The following APLP2 variants were observed in gnomAD, a reference collection of about 807,000 sequenced individuals.
The protein encoded by APLP2 is amyloid beta precursor like protein 2.
In APLP2, 53 loss-of-function variants were observed where a neutral mutation model predicts 89.9. The ratio of observed to expected loss-of-function variants is 0.59; its 90% CI spans 0.47 to 0.74. APLP2 has a LOEUF of 0.74. Ranked by LOEUF, APLP2 falls within the 30% of genes least tolerant of loss-of-function variation. APLP2 has a pLI of 0.00. For synonymous variants in APLP2, 372 were observed against 348.6 expected (o/e 1.07, Z -0.75); for missense variants, 973 against 975.9 (o/e 1.00, Z 0.04).
At chr11:130,116,701 A>C (rs1052411793) in intron 3 of APLP2, among the ~76,000 whole-genome samples, 1 of 151,956 alleles carries the variant, frequency 6.6e-6, no homozygotes, top group Admixed American at 6.6e-5. Context: ...TGAACTCCTA[A>C]CCTCAAGTGA....
chr11:130,114,810 A>T (rs888707086), intron 3 of APLP2, among the ~76,000 whole-genome samples: 4 of 152,244 alleles, frequency 2.6e-5, no homozygotes, highest in African/African-American at 4.8e-5. Context: ...AAAACTACTA[A>T]AGTTCTGATT....
chr11:130,080,308 G>T (rs1280424141), intron 1 of APLP2, among the ~76,000 whole-genome samples: 1 of 151,914 alleles, frequency 6.6e-6, no homozygotes, highest in Non-Finnish European at 1.5e-5. Context: ...CTGGGTTCAG[G>T]TGCCTCCTGC....
chr11:130,144,573 C>A lies in APLP2; in HGVS notation c.*1125C>A, dbSNP rs1271393986. The A allele has an allele frequency of 6.6e-6, 1 of 152,622 alleles. No homozygotes were observed. The highest frequency in any genetic ancestry group is 1.5e-5 in the Non-Finnish European group (1 of 68,060). The allele number at this position is 152,622 out of a possible 1,614,324, so 9.5% of individuals were successfully genotyped here. On this transcript the variant is annotated 3_prime_UTR_variant, in exon 17 of 17. Transcript: ENST00000338167. Reference sequence around the variant, plus strand: ...CTTGTACAGTTGATGTCGATGCTCACTGCTTCTGCTTTTTCTTTCTTTTTA... The same window carrying A: ...CTTGTACAGTTGATGTCGATGCTCAATGCTTCTGCTTTTTCTTTCTTTTTA...
intron 10 of APLP2, among the ~76,000 whole-genome samples, chr11:130,129,653 A>T (rs1450408038): frequency 6.6e-6 from 1 of 152,106 alleles, no homozygotes; most frequent in Non-Finnish European, 1.5e-5. Context: ...GCTTTGGGGG[A>T]TGGAAAGTAT....
At chr11:130,102,857 G>T (rs1947127954) in intron 1 of APLP2, among the ~76,000 whole-genome samples, 1 of 152,226 alleles carries the variant, frequency 6.6e-6, no homozygotes, top group Non-Finnish European at 1.5e-5. Context: ...TTAATAAAAT[G>T]GAATTTCTTA....
At chr11:130,078,206 G>A (rs967735010) in intron 1 of APLP2, among the ~76,000 whole-genome samples, 11 of 146,610 alleles carry the variant, frequency 7.5e-5, no homozygotes, top group Middle Eastern at 3.5e-3. Context: ...GAATCATTCC[G>A]TATATATTTT....
At chr11:130,073,421 A>G (rs958341931) in intron 1 of APLP2, among the ~76,000 whole-genome samples, 19 of 152,212 alleles carry the variant, frequency 1.2e-4, no homozygotes, top group African/African-American at 4.6e-4. Context: ...ATTTTTTAAT[A>G]TGTTCCTATA....
At position 130,135,623 on chromosome 11, in the gene APLP2, C is replaced by A. The variant is rs888190691; in HGVS notation, c.1745C>A (p.Thr582Asn). Residue 582 changes from threonine (T) to asparagine (N), a missense_variant, in exon 13 of 17, where the codon ACC becomes AAC. Physicochemically the swap from Thr to Asn is moderately conservative, Grantham distance 65 (BLOSUM62 0). Transcript: ENST00000338167. ...MDQFTASISE[T>N]PVDVRVSSEE... ...CAGTTCACTGCCTCAATCTCAGAGA[C>A]CCCTGTGGACGTCCGGGTGAGCTCT... 26 of 1,614,042 alleles carry A rather than the reference C, an allele frequency of 1.6e-5. No homozygotes were observed. The highest frequency in any genetic ancestry group is 2.1e-5 in the Non-Finnish European group (25 of 1,180,020).
At chr11:130,105,960 C>T (rs1947684665) in intron 1 of APLP2, among the ~76,000 whole-genome samples, 1 of 152,008 alleles carries the variant, frequency 6.6e-6, no homozygotes, top group African/African-American at 2.4e-5. Flanking sequence ...GCCTTGGCCT[C>T]CCAAAGTGCT....
Position 130,092,548 on chromosome 11 carries a change from C to T in APLP2, c.106-16881C>T, listed in dbSNP as rs979155831. ...CGGCCCGGCCAACACAGCGAAACCC[C>T]GTCTCCACCAAAACCAGTCAGGCGT... On this transcript the variant is annotated intron_variant, in intron 1 of 16. Transcript: ENST00000338167. Among the ~76,000 whole-genome samples, 485 of 147,100 alleles carry T rather than the reference C, an allele frequency of 3.3e-3. 8 individuals carry two copies. The highest frequency in any genetic ancestry group is 0.012 in the African/African-American group (457 of 38,622).
intron 1 of APLP2, among the ~76,000 whole-genome samples, chr11:130,105,282 G>T (rs1369926877): frequency 6.6e-6 from 1 of 152,178 alleles, no homozygotes; most frequent in Non-Finnish European, 1.5e-5. Context: ...TGGGTGTGAT[G>T]GCGCATGCCT....
chr11:130,112,542 G>A (rs973240309), intron 3 of APLP2, among the ~76,000 whole-genome samples: 2 of 152,074 alleles, frequency 1.3e-5, no homozygotes, highest in Non-Finnish European at 1.5e-5. Context: ...TTTAGCCTAG[G>A]AATCCTGTGA....
At chr11:130,087,836 AAAAAAATCCTG>A (rs1273457010) in intron 1 of APLP2, among the ~76,000 whole-genome samples, 2 of 152,126 alleles carry the variant, frequency 1.3e-5, no homozygotes, top group African/African-American at 4.8e-5. Flanking sequence ...ATCTACATTA[AAAAAAATCCTG>A]CTGGGCTATT....
In APLP2 at chr11:130,144,064, A is replaced by G. The variant is rs1952710047; in HGVS notation, c.*616A>G. The G allele has an allele frequency of 6.5e-6, 1 of 152,798 alleles. No homozygotes were observed. The highest frequency in any genetic ancestry group is 6.5e-5 in the Admixed American group (1 of 15,324). The allele number at this position is 152,798 out of a possible 1,614,324, so 9.5% of individuals were successfully genotyped here. Reference sequence around the variant, plus strand: ...CGGCTGGATACCTGTGTGTCTCCATAAAAGTCCTGTCACCAAGGACGTTAA... The same window carrying G: ...CGGCTGGATACCTGTGTGTCTCCATGAAAGTCCTGTCACCAAGGACGTTAA... On this transcript the variant is annotated 3_prime_UTR_variant, in exon 17 of 17. Coordinates refer to ENST00000338167, the MANE Select transcript of APLP2 (RefSeq NM_001142276.2).
intron 3 of APLP2, among the ~76,000 whole-genome samples, chr11:130,118,154 G>T (rs1949419833): frequency 6.6e-6 from 1 of 151,434 alleles, no homozygotes; most frequent in East Asian, 1.9e-4. Context: ...AAATTTTTTT[G>T]ATGTTGCAGT....
At chr11:130,070,377 T>A (rs1367549898) in intron 1 of APLP2, among the ~76,000 whole-genome samples, 1 of 150,116 alleles carries the variant, frequency 6.7e-6, no homozygotes, top group Non-Finnish European at 1.5e-5. Context: ...CGCCGCCACC[T>A]CCTCCGGGGA....
chr11:130,093,448 A>G (rs1486429610), intron 1 of APLP2, among the ~76,000 whole-genome samples: 1 of 152,242 alleles, frequency 6.6e-6, no homozygotes, highest in Non-Finnish European at 1.5e-5. Flanking sequence ...TCAGATAACA[A>G]AGGGTTCTTG....
intron 1 of APLP2, among the ~76,000 whole-genome samples, chr11:130,099,477 T>C (rs750673410): frequency 2.6e-5 from 4 of 152,226 alleles, no homozygotes; most frequent in African/African-American, 9.6e-5. Flanking sequence ...AAAAATAATT[T>C]ACATAGTGCT....
chr11:130,101,761 C>A (rs571025739), intron 1 of APLP2, among the ~76,000 whole-genome samples: 1 of 152,272 alleles, frequency 6.6e-6, no homozygotes, highest in South Asian at 2.1e-4. Context: ...TTGCATAACT[C>A]GTAATGCGAT....
Sources: gnomAD v4.1 joint callset for allele counts (sites outside exome capture counted in the v4.1 genomes callset) on GRCh38, gnomAD v4.1.1 for gene constraint, MANE v1.5 for transcripts, NCBI Gene and HGNC (gene_info 2026-07-23, HGNC 2026-07-21) for gene names.